The following HECW1 variants were observed in gnomAD, a reference collection of about 807,000 sequenced individuals.
HECW1 encodes the protein HECT, C2 and WW domain containing E3 ubiquitin protein ligase 1.
A neutral mutation model predicts 182.3 loss-of-function variants in HECW1; 61 were observed. The observed-to-expected ratio is 0.33, with a 90% confidence interval of 0.27 to 0.41. The LOEUF (loss-of-function observed/expected upper bound fraction) is 0.41. HECW1 is among the 10% of genes least tolerant of loss of function. The pLI, the probability that HECW1 is intolerant of heterozygous loss-of-function variation, is 1.00. For missense variants in HECW1, 1,739 were observed against 2,108.9 expected, an observed-to-expected ratio of 0.82 and a Z score of 3.44; for synonymous variants, 859 against 832.6, an observed-to-expected ratio of 1.03 and a Z score of -0.55.
chr7:43,246,829 C>A (rs1039369034), intron 3 of HECW1, among the ~76,000 whole-genome samples: 5 of 150,838 alleles, frequency 3.3e-5, no homozygotes, highest in Non-Finnish European at 5.9e-5. Context: ...TGTGTGGGGG[C>A]TGCAGCCTGG....
At chr7:43,376,682 T>C (rs1472981766) in intron 6 of HECW1, among the ~76,000 whole-genome samples, 1 of 152,060 alleles carries the variant, frequency 6.6e-6, no homozygotes, top group Non-Finnish European at 1.5e-5. Context: ...CTGGCTGACA[T>C]GGTGAAACCC....
At chr7:43,433,166 G>A (rs76418378) in intron 8 of HECW1, among the ~76,000 whole-genome samples, 4,466 of 152,226 alleles carry the variant, frequency 0.029, 200 homozygotes, top group African/African-American at 0.1. Context: ...TAATAAGAAT[G>A]CCAACAAAAA....
At chr7:43,425,304 T>TGATAGATAGATAGATAGATAGATAGATA (rs60651990) in intron 8 of HECW1, among the ~76,000 whole-genome samples, 14 of 148,246 alleles carry the variant, frequency 9.4e-5, no homozygotes, top group Non-Finnish European at 8.9e-5. Flanking sequence ...GATAGATAGA[T>TGATAGATAGATAGATAGATAGATAGATA]GATAGATAGA....
At chr7:43,346,677 G>C (rs1813720101) in intron 5 of HECW1, among the ~76,000 whole-genome samples, 1 of 152,120 alleles carries the variant, frequency 6.6e-6, no homozygotes, top group African/African-American at 2.4e-5. Flanking sequence ...TATAAGGTGA[G>C]ATGTGAGGAT....
intron 2 of HECW1, among the ~76,000 whole-genome samples, chr7:43,163,401 G>T (rs909535381): frequency 1.3e-5 from 2 of 152,204 alleles, no homozygotes; most frequent in African/African-American, 4.8e-5. Context: ...TGCTCATTGT[G>T]TGCCAAACAC....
chr7:43,467,172 C>T (rs1186714905), intron 15 of HECW1, among the ~76,000 whole-genome samples: 3 of 152,078 alleles, frequency 2.0e-5, no homozygotes, highest in Non-Finnish European at 2.9e-5. Context: ...ATTAAGGTGA[C>T]ACCTAAAGAG....
At chr7:43,559,083 T>C (rs1310023534) in intron 29 of HECW1, among the ~76,000 whole-genome samples, 3 of 152,156 alleles carry the variant, frequency 2.0e-5, no homozygotes, top group African/African-American at 7.2e-5. Flanking sequence ...CTTAAAGTGG[T>C]CTCTAGTAGA....
At chr7:43,340,011 G>A (rs771446140) in intron 5 of HECW1, among the ~76,000 whole-genome samples, 3 of 151,758 alleles carry the variant, frequency 2.0e-5, no homozygotes, top group Non-Finnish European at 4.4e-5. Context: ...TGTAACTCTC[G>A]CCCCATCTAG....
chr7:43,448,016 T>C (rs2077115672), intron 11 of HECW1, among the ~76,000 whole-genome samples: 2 of 151,714 alleles, frequency 1.3e-5, no homozygotes, highest in African/African-American at 4.8e-5. Flanking sequence ...GCACCTGTAA[T>C]CTCAGCTACT....
At chr7:43,423,867 A>G (rs1355956601) in intron 8 of HECW1, among the ~76,000 whole-genome samples, 10 of 152,240 alleles carry the variant, frequency 6.6e-5, no homozygotes, top group Admixed American at 6.5e-4. Context: ...GACATCCTGT[A>G]AGACTGATAC....
chr7:43,563,114 G>C lies in HECW1; in HGVS notation c.*1188G>C. On this transcript the variant is annotated 3_prime_UTR_variant, in exon 30 of 30. Coordinates refer to ENST00000395891, the MANE Select transcript of HECW1 (RefSeq NM_015052.5). ...GCAGAGAGTGATGGTGCTTGTTAGG[G>C]ATCAAGGGCAACATAGTACTTCTCC... is the stretch of plus-strand genomic sequence containing the variant. 1 of 204,192 alleles carries C rather than the reference G, an allele frequency of 4.9e-6. No individual in the cohort carries two copies. Among genetic ancestry groups the C allele is most frequent in the Non-Finnish European group, 1.0e-5 (1 of 99,434 alleles). The allele number at this position is 204,192 out of a possible 1,614,324, so 12.6% of individuals were successfully genotyped here. A position where few individuals can be genotyped will look rare whatever the true frequency, so the allele number is the denominator to read the frequency against.
chr7:43,401,575 T>TTTG (rs531228056), intron 7 of HECW1, among the ~76,000 whole-genome samples: 9,344 of 149,050 alleles, frequency 0.063, 405 homozygotes, highest in East Asian at 0.21. Context: ...AGGTTTTTTT[T>TTTG]TTTTTTTTTT....
In HECW1 at chr7:43,412,674, A is replaced by G. The variant is rs577521644; in HGVS notation, c.801+4943A>G. The stretch of plus-strand genomic sequence containing the variant: ...TGTGTCCATGTGATCTCAATGTTCA[A>G]TTCCCACCTATGAGTGAGAATATGC... On this transcript the variant is annotated intron_variant, in intron 8 of 29. Transcript: ENST00000395891. Among the ~76,000 whole-genome samples, 8 of 147,108 alleles carry G rather than the reference A, an allele frequency of 5.4e-5. No individual in the cohort carries two copies. In the South Asian group the frequency reaches 1.3e-3, roughly 24 times the overall value.
Position 43,444,088 on chromosome 7 carries a change from C to T in HECW1, c.1046-130C>T. ...CACTAGAGCTCTGGCCAGTGAGAAACCCTCATCAACCTACATTCAATATCC... is the reference window on the plus strand; with the variant it reads ...CACTAGAGCTCTGGCCAGTGAGAAATCCTCATCAACCTACATTCAATATCC... On this transcript the variant is annotated intron_variant, in intron 10 of 29. Transcript: ENST00000395891. This position sits in a 1 kb window ranked among gnomAD's most constrained non-coding sequence, Gnocchi z 4.3. The T allele has an allele frequency of 2.1e-6, 2 of 932,628 alleles. No homozygotes were observed. The highest frequency in any genetic ancestry group is 3.1e-6 in the Non-Finnish European group (2 of 637,292). The allele number at this position is 932,628 out of a possible 1,614,324, so 57.8% of individuals were successfully genotyped here. A position where few individuals can be genotyped will look rare whatever the true frequency, so the allele number is the denominator to read the frequency against.
chr7:43,191,838 T>C lies in HECW1; in HGVS notation c.-31-52037T>C, dbSNP rs374491420. On this transcript the variant is annotated intron_variant, in intron 2 of 29. Transcript: ENST00000395891. ...AGCAAACTCATATTATGCAGTAGAA[T>C]AGGAGGACTGATGGAAAACACAAGG... Among the ~76,000 whole-genome samples, 8 of 152,328 alleles carry C rather than the reference T, an allele frequency of 5.3e-5. No individual in the cohort carries two copies. In the East Asian group the frequency reaches 1.2e-3, roughly 22 times the overall value.
intron 3 of HECW1, among the ~76,000 whole-genome samples, chr7:43,309,405 T>C (rs1469769586): frequency 6.6e-6 from 1 of 152,216 alleles, no homozygotes; most frequent in Non-Finnish European, 1.5e-5. Flanking sequence ...CTTTGACTAA[T>C]GTTTCCTTCT....
At chr7:43,234,817 T>C (rs536752974) in intron 2 of HECW1, among the ~76,000 whole-genome samples, 1 of 152,276 alleles carries the variant, frequency 6.6e-6, no homozygotes, top group South Asian at 2.1e-4. Context: ...CCACAGTGCC[T>C]GGTATGAAGT....
Position 43,479,504 on chromosome 7 carries a change from G to A in HECW1, c.3100-106G>A, listed in dbSNP as rs1029226243. 3.7e-6 allele frequency: 5 copies of A among 1,341,560 alleles called. No homozygotes were observed. The Admixed American group carries it at 9.6e-5, about 26-fold the overall frequency. 83.1% of individuals were successfully genotyped at this position (1,341,560 alleles called of 1,614,324 possible). A position where few individuals can be genotyped will look rare whatever the true frequency, so the allele number is the denominator to read the frequency against. Reference sequence around the variant, plus strand: ...AAGTAGGGGTAGGGGAGGCTGGGCAGAAATAAACCTGAGGCCTGGGCCCTG... The same window carrying A: ...AAGTAGGGGTAGGGGAGGCTGGGCAAAAATAAACCTGAGGCCTGGGCCCTG... On this transcript the variant is annotated intron_variant, in intron 16 of 29. Transcript: ENST00000395891.
chr7:43,197,748 G>A (rs555934716), intron 2 of HECW1, among the ~76,000 whole-genome samples: 1 of 152,162 alleles, frequency 6.6e-6, no homozygotes, highest in South Asian at 2.1e-4. Flanking sequence ...AACACAGACC[G>A]CTTCCAGGAC....
Sources: allele counts gnomAD v4.1 joint callset (sites outside exome capture counted in the v4.1 genomes callset), GRCh38; gene constraint gnomAD v4.1.1; non-coding constraint Gnocchi (gnomAD v3.1); transcripts MANE v1.5; gene names NCBI Gene and HGNC (gene_info 2026-07-23, HGNC 2026-07-21).